The following PDK1 variants were observed in gnomAD, a reference collection of about 807,000 sequenced individuals.
PDK1 encodes the protein [Pyruvate dehydrogenase (acetyl-transferring)] kinase isozyme 1, mitochondrial.
In PDK1, 39 loss-of-function variants were observed where a neutral mutation model predicts 54.2. That is an observed-to-expected ratio of 0.72 (90% CI 0.56 to 0.94). The LOEUF (loss-of-function observed/expected upper bound fraction) is 0.94. PDK1 is among the 40% of genes least tolerant of loss of function. The pLI, the probability that PDK1 is intolerant of heterozygous loss-of-function variation, is 0.00. For missense variants in PDK1, 552 were observed against 566.0 expected (o/e 0.98, Z 0.25); for synonymous variants, 221 against 207.1 (o/e 1.07, Z -0.58).
chr2:172,556,218 G>A lies in PDK1; in HGVS notation c.68G>A (p.Gly23Asp). The A allele has an allele frequency of 7.0e-7, 1 of 1,427,120 alleles. No individual in the cohort carries two copies. The highest frequency in any genetic ancestry group is 9.1e-7 in the Non-Finnish European group (1 of 1,097,918). The allele number at this position is 1,427,120 out of a possible 1,614,324, so 88.4% of individuals were successfully genotyped here. Residue 23 changes from glycine to aspartate, a missense_variant, in exon 1 of 11, where the codon GGC becomes GAC. Coordinates refer to ENST00000282077, the MANE Select transcript of PDK1 (RefSeq NM_002610.5). ...CCGGGCCCGGGGCTGCGCGCCGCCG[G>A]CTTCAGCCGCAGCTTCAGCTCGGAC... ...AGPGPGLRAA[G>D]FSRSFSSDSG... is the part of the protein sequence containing the mutation.
At chr2:172,723,834 G>A in the PDK1 span, 1 of 152,220 alleles carries the variant, frequency 6.6e-6, no homozygotes, top group African/African-American at 2.4e-5. Context: ...CAAAGGATGA[G>A]CATTACACTT....
chr2:172,562,074 G>A, intron 2 of PDK1, 146 bp from the exon 3 acceptor site: 1 of 521,880 alleles, frequency 1.9e-6, no homozygotes, highest in Non-Finnish European at 3.4e-6. Flanking sequence ...GTGCATGGGT[G>A]TAAAAATTAT....
the PDK1 span, among the ~76,000 whole-genome samples, chr2:172,620,873 A>C: frequency 2.6e-3 from 390 of 152,154 alleles, 4 homozygotes; most frequent in Non-Finnish European, 3.3e-3. Context: ...CAGAACCGTG[A>C]GCCAATTACA....
At chr2:172,670,064 T>A in the PDK1 span, among the ~76,000 whole-genome samples, 1 of 152,198 alleles carries the variant, frequency 6.6e-6, no homozygotes, top group Non-Finnish European at 1.5e-5. Context: ...AAAAAAAAAA[T>A]TATTTAGAGA....
Position 172,601,874 on chromosome 2 carries a change from A to G in PDK1, c.*5905A>G, listed in dbSNP as rs1248460448. 6.6e-6 allele frequency: 1 copy of G among 152,216 alleles called. No homozygotes were observed. The highest frequency in any genetic ancestry group is 2.4e-5 in the African/African-American group (1 of 41,462). 9.4% of individuals were successfully genotyped at this position (152,216 alleles called of 1,614,324 possible). A position where few individuals can be genotyped will look rare whatever the true frequency, so the allele number is the denominator to read the frequency against. On this transcript the variant is annotated 3_prime_UTR_variant, in exon 11 of 11. Coordinates refer to ENST00000282077, the MANE Select transcript of PDK1 (RefSeq NM_002610.5). Reference sequence around the variant, plus strand: ...TTTTAAAGGACATAACTACCAATAGAGATTTAAAATAATCATAAGAATACC... The same window carrying G: ...TTTTAAAGGACATAACTACCAATAGGGATTTAAAATAATCATAAGAATACC...
the PDK1 span, chr2:172,677,500 T>A: frequency 2.6e-5 from 4 of 152,176 alleles, no homozygotes; most frequent in Non-Finnish European, 5.9e-5. Flanking sequence ...TGAAGAGAAG[T>A]CTCAGGACAA....
intron 9 of PDK1, among the ~76,000 whole-genome samples, chr2:172,591,138 C>A (rs1690552861): frequency 6.6e-6 from 1 of 152,092 alleles, no homozygotes; most frequent in African/African-American, 2.4e-5. Flanking sequence ...GTAAGACCAT[C>A]TATAGCTTGA....
In PDK1 at chr2:172,604,433, T is replaced by G. The variant is rs974396744; in HGVS notation, c.*8464T>G. On this transcript the variant is annotated 3_prime_UTR_variant, in exon 11 of 11. Coordinates refer to ENST00000282077, the MANE Select transcript of PDK1 (RefSeq NM_002610.5). ...ACTTTGTAGTTTTCAGCTTACAGATTCCGCGCATATTTTGTTAGACTTAAA... is the reference window on the plus strand; with the variant it reads ...ACTTTGTAGTTTTCAGCTTACAGATGCCGCGCATATTTTGTTAGACTTAAA... 2 of 152,202 alleles carry G rather than the reference T, an allele frequency of 1.3e-5. No homozygotes were observed. Among genetic ancestry groups the G allele is most frequent in the East Asian group, 3.8e-4 (2 of 5,198 alleles). The allele number at this position is 152,202 out of a possible 1,614,324, so 9.4% of individuals were successfully genotyped here.
At chr2:172,620,726 G>A in the PDK1 span, among the ~76,000 whole-genome samples, 5 of 152,220 alleles carry the variant, frequency 3.3e-5, no homozygotes, top group Admixed American at 3.3e-4. Context: ...TTAAAAGTGT[G>A]TGGCACTCCC....
At chr2:172,561,911 T>C (rs1688673693) in intron 2 of PDK1, among the ~76,000 whole-genome samples, 1 of 152,184 alleles carries the variant, frequency 6.6e-6, no homozygotes, top group Admixed American at 6.5e-5. Flanking sequence ...ATAATCAGTA[T>C]ATATACTGTA....
chr2:172,590,071 G>C (rs1315542581), intron 9 of PDK1, among the ~76,000 whole-genome samples: 1 of 152,104 alleles, frequency 6.6e-6, no homozygotes, highest in African/African-American at 2.4e-5. Flanking sequence ...GGTATGTTTT[G>C]AAGATTTTTA....
chr2:172,556,105 G>T lies in PDK1; in HGVS notation c.-46G>T. On this transcript the variant is annotated 5_prime_UTR_variant, in exon 1 of 11. Coordinates refer to ENST00000282077, the MANE Select transcript of PDK1 (RefSeq NM_002610.5). The stretch of plus-strand genomic sequence containing the variant: ...CTCACGTACCACTCGGCAGAGGCGC[G>T]GGGAAACCTGGCGTACTGGCTGTGG... 3 of 1,329,598 alleles carry T rather than the reference G, an allele frequency of 2.3e-6. No homozygotes were observed. The highest frequency in any genetic ancestry group is 2.9e-6 in the Non-Finnish European group (3 of 1,037,190). 82.4% of individuals were successfully genotyped at this position (1,329,598 alleles called of 1,614,324 possible). A position where few individuals can be genotyped will look rare whatever the true frequency, so the allele number is the denominator to read the frequency against.
At chr2:172,564,120 GT>G in intron 3 of PDK1, 1 of 473,986 alleles carries the variant, frequency 2.1e-6, no homozygotes, top group Non-Finnish European at 4.3e-6. Context: ...CAGAGCAGGT[GT>G]TCTCTAGAGG....
At chr2:172,655,468 A>C in the PDK1 span, among the ~76,000 whole-genome samples, 3 of 152,142 alleles carry the variant, frequency 2.0e-5, no homozygotes, top group East Asian at 5.8e-4. Flanking sequence ...TGGTTATTTC[A>C]CATTCACATG....
rs1380458227 is a variant in PDK1 at position 172,599,021 on chromosome 2, G to A, written c.*3052G>A. 2 of 152,000 alleles carry A rather than the reference G, an allele frequency of 1.3e-5. No individual in the cohort carries two copies. Among genetic ancestry groups the A allele is most frequent in the African/African-American group, 2.4e-5 (1 of 41,402 alleles). The allele number at this position is 152,000 out of a possible 1,614,324, so 9.4% of individuals were successfully genotyped here. ...AGCAAGAGGTAGAGTTTGTATGTTTGACTTACCTTAGATTTTTATTTTCCA... is the reference window on the plus strand; with the variant it reads ...AGCAAGAGGTAGAGTTTGTATGTTTAACTTACCTTAGATTTTTATTTTCCA... On this transcript the variant is annotated 3_prime_UTR_variant, in exon 11 of 11. Coordinates refer to ENST00000282077, the MANE Select transcript of PDK1 (RefSeq NM_002610.5).
the PDK1 span, among the ~76,000 whole-genome samples, chr2:172,637,880 TA>T: frequency 6.6e-6 from 1 of 152,038 alleles, no homozygotes; most frequent in Non-Finnish European, 1.5e-5. Context: ...GTATTTTTAG[TA>T]GAGATGGCGT....
At chr2:172,710,726 A>C in the PDK1 span, among the ~76,000 whole-genome samples, 1 of 152,236 alleles carries the variant, frequency 6.6e-6, no homozygotes, top group Non-Finnish European at 1.5e-5. Context: ...TGAAATTGTC[A>C]GACTGTCAAG....
chr2:172,609,847 G>T (rs1691406325), downstream of PDK1, among the ~76,000 whole-genome samples: 1 of 151,958 alleles, frequency 6.6e-6, no homozygotes, highest in South Asian at 2.1e-4. Context: ...TTTTTTTTGA[G>T]ATGGAGTCTC....
the PDK1 span, among the ~76,000 whole-genome samples, chr2:172,671,681 T>C: frequency 6.6e-6 from 1 of 152,100 alleles, no homozygotes; most frequent in Non-Finnish European, 1.5e-5. Context: ...AACCAATAAA[T>C]CTGAGCACAC....
Sources: gnomAD v4.1 joint callset for allele counts (sites outside exome capture counted in the v4.1 genomes callset) on GRCh38, gnomAD v4.1.1 for gene constraint, MANE v1.5 for transcripts, NCBI Gene and HGNC (gene_info 2026-07-23, HGNC 2026-07-21) for gene names.